Variants in GFAP observed in about 807,000 individuals in gnomAD.
The protein encoded by GFAP is intermediate filament protein.
A neutral mutation model predicts 49.3 loss-of-function variants in GFAP; 38 were observed. The ratio of observed to expected loss-of-function variants is 0.77; its 90% CI spans 0.60 to 1.01. The LOEUF (loss-of-function observed/expected upper bound fraction) is 1.01, where lower values mean the gene tolerates loss of function less well. GFAP is among the 50% of genes least tolerant of loss of function. GFAP has a pLI of 0.00. For missense variants in GFAP, 463 were observed against 579.1 expected, an observed-to-expected ratio of 0.80 and a Z score of 2.06; for synonymous variants, 222 against 236.4, an observed-to-expected ratio of 0.94 and a Z score of 0.56.
Position 44,911,685 on chromosome 17 carries a change from G to A in GFAP, c.893C>T (p.Ser298Phe), listed in dbSNP as rs760672791. 8.4e-5 allele frequency: 136 copies of A among 1,613,272 alleles called. No individual in the cohort carries two copies. The highest frequency in any genetic ancestry group is 1.2e-4 in the Non-Finnish European group (136 of 1,179,954). The change falls in exon 5 of 9, where the codon TCT (serine) becomes TTT (phenylalanine). Residue 298 changes from serine to phenylalanine, a missense_variant. Physicochemically the swap from Ser to Phe is radical, Grantham distance 155. This residue lies in a region of GFAP where 362 missense variants were observed against 445.5 expected (regional missense o/e 0.81). Coordinates refer to ENST00000588735, the MANE Select transcript of GFAP (RefSeq NM_002055.5). ...QLQSLTCDLE[S>F]LRGTNESLER... ...GGCCGCGCTCACCGTGCCGCGCAGA[G>A]ACTCCAGGTCGCAGGTCAAGGACTG...
chr17:44,905,009 A>G lies in GFAP; in HGVS notation c.*2338T>C. The G allele has an allele frequency of 6.4e-7, 1 of 1,550,662 alleles. No homozygotes were observed. Among genetic ancestry groups the G allele is most frequent in the Non-Finnish European group, 8.7e-7 (1 of 1,146,878 alleles). Reference sequence around the variant, plus strand: ...CCTGCTCATCACAGCAGTCTTTGTCACCATTCACTTCTGTCGTTGCTGCTG... The same window carrying G: ...CCTGCTCATCACAGCAGTCTTTGTCGCCATTCACTTCTGTCGTTGCTGCTG... On this transcript the variant is annotated 3_prime_UTR_variant, in exon 9 of 9. Coordinates refer to ENST00000588735, the MANE Select transcript of GFAP (RefSeq NM_002055.5).
chr17:44,910,049 G>C, intron 7 of GFAP: 1 of 1,605,832 alleles, frequency 6.2e-7, no homozygotes, highest in Non-Finnish European at 8.5e-7. Context: ...CCTGGGAAGA[G>C]GGAACTCAGG....
intron 7 of GFAP, chr17:44,909,845 GT>G (rs1341046819): frequency 7.2e-6 from 9 of 1,245,204 alleles, no homozygotes; most frequent in Non-Finnish European, 9.1e-6. Context: ...GGCCCTCCCA[GT>G]GACAGGAAGA....
chr17:44,903,184 T>C lies in GFAP; in HGVS notation c.*4163A>G. On this transcript the variant is annotated 3_prime_UTR_variant, in exon 9 of 9. Transcript: ENST00000588735. ...TAAAAGGGAAAAAGCAAAATCTTTA[T>C]GGTAAACAAACACTGATCTCCACAG... 3 of 1,270,604 alleles carry C rather than the reference T, an allele frequency of 2.4e-6. No individual in the cohort carries two copies. The highest frequency in any genetic ancestry group is 3.0e-6 in the Non-Finnish European group (3 of 1,010,782). 78.7% of individuals were successfully genotyped at this position (1,270,604 alleles called of 1,614,324 possible).
chr17:44,913,801 G>A lies in GFAP; in HGVS notation c.545C>T (p.Ala182Val), dbSNP rs1347500036. Residue 182 changes from alanine (A) to valine (V), a missense_variant, in exon 3 of 9, where the codon GCC becomes GTC. Physicochemically the swap from Ala to Val is moderately conservative, Grantham distance 64. This residue lies in a region of GFAP where 362 missense variants were observed against 445.5 expected (regional missense o/e 0.81). Transcript: ENST00000588735. Reference protein sequence around the residue: ...YRQEADEATLARLDLERKIES... With the variant: ...YRQEADEATLVRLDLERKIES... Reference sequence around the variant, plus strand: ...AATCTTCCTCTCCAGATCCAGACGGGCCAGGGTGGCTTCATCTGCTTCCTG... The same window carrying A: ...AATCTTCCTCTCCAGATCCAGACGGACCAGGGTGGCTTCATCTGCTTCCTG... The A allele has an allele frequency of 5.0e-6, 8 of 1,614,124 alleles. No individual in the cohort carries two copies. Among genetic ancestry groups the A allele is most frequent in the Non-Finnish European group, 5.1e-6 (6 of 1,179,972 alleles).
rs2051743657 is a variant in GFAP at position 44,910,721 on chromosome 17, G to C, written c.1128-63C>G. On this transcript the variant is annotated intron_variant, in intron 6 of 8. Coordinates refer to ENST00000588735, the MANE Select transcript of GFAP (RefSeq NM_002055.5). The stretch of plus-strand genomic sequence containing the variant: ...CTGGGACACCCCTAGGCTGGGTCTT[G>C]GTGCGGGGCCATCATGACAACTTGA... 5 of 1,556,956 alleles carry C rather than the reference G, an allele frequency of 3.2e-6. No homozygotes were observed. The South Asian group carries it at 3.6e-5, about 11-fold the overall frequency.
In GFAP at chr17:44,913,762, T is replaced by A. The variant is rs772653114; in HGVS notation, c.584A>T (p.Glu195Val). ...DLERKIESLE[E>V]EIRFLRKIHE... ...GATCTTCCTCAAGAACCGGATCTCC[T>A]CCTCCAGCGACTCAATCTTCCTCTC... Residue 195 changes from glutamate to valine, a missense_variant, in exon 3 of 9, where the codon GAG becomes GTG. This residue lies in a region of GFAP where 362 missense variants were observed against 445.5 expected (regional missense o/e 0.81). Coordinates refer to ENST00000588735, the MANE Select transcript of GFAP (RefSeq NM_002055.5). 8 of 1,614,120 alleles carry A rather than the reference T, an allele frequency of 5.0e-6. No individual in the cohort carries two copies. In the East Asian group the frequency reaches 1.8e-4, roughly 36 times the overall value.
At chr17:44,908,213 C>T (rs1274376307) in intron 7 of GFAP, 64 bp from the exon 8 acceptor site, 1 of 1,122,648 alleles carries the variant, frequency 8.9e-7, no homozygotes, top group Non-Finnish European at 1.4e-6. Context: ...CTCTCCCATG[C>T]CCGGCTTCCC....
At chr17:44,907,545 G>T (rs187041289) in intron 8 of GFAP, 157 bp from the exon 9 acceptor site, 3 of 700,070 alleles carry the variant, frequency 4.3e-6, no homozygotes, top group East Asian at 2.7e-5. Context: ...GTGGACAGAG[G>T]GGGTGGTGAG....
In GFAP at chr17:44,907,252, G is replaced by T; in HGVS notation, c.*95C>A. 8.4e-7 allele frequency: 1 copy of T among 1,193,798 alleles called. No individual in the cohort carries two copies. Among genetic ancestry groups the T allele is most frequent in the Non-Finnish European group, 1.3e-6 (1 of 799,336 alleles). The allele number at this position is 1,193,798 out of a possible 1,614,324, so 74.0% of individuals were successfully genotyped here. On this transcript the variant is annotated 3_prime_UTR_variant, in exon 9 of 9. Transcript: ENST00000588735. Reference sequence around the variant, plus strand: ...GCAGCTGGGGTGGTGGGGAGCTCAGGTCTGGGGAAATGTGCCAGCAGAGGC... The same window carrying T: ...GCAGCTGGGGTGGTGGGGAGCTCAGTTCTGGGGAAATGTGCCAGCAGAGGC...
rs1003430731 is a variant in GFAP, at chr17:44,904,606, T to C, written c.*2741A>G. 82 of 1,550,476 alleles carry C rather than the reference T, an allele frequency of 5.3e-5. No individual in the cohort carries two copies. Among genetic ancestry groups the C allele is most frequent in the Non-Finnish European group, 6.8e-5 (78 of 1,147,002 alleles). ...AGGGCGTGCTGGCCATCATTAACTATGTGTCCAAAGTGGGCAGCCGGCCCT... is the reference window on the plus strand; with the variant it reads ...AGGGCGTGCTGGCCATCATTAACTACGTGTCCAAAGTGGGCAGCCGGCCCT... On this transcript the variant is annotated 3_prime_UTR_variant, in exon 9 of 9. Coordinates refer to ENST00000588735, the MANE Select transcript of GFAP (RefSeq NM_002055.5).
Position 44,911,238 on chromosome 17 carries a change from GTT to G in GFAP, c.1123_1124del (p.Asn375ProfsTer47). ...TYRKLLEGEE[N>X]RITIPVQTFS... The stretch of plus-strand genomic sequence containing the variant: ...CAGGGGCTGTGATGAGGGCTCACCG[GTT>G]CTCCTCGCCCTCTAGCAGCTTCCTG... On this transcript the variant is annotated frameshift_variant, in exon 6 of 9. Coordinates refer to ENST00000588735, the MANE Select transcript of GFAP (RefSeq NM_002055.5). LOFTEE classifies it high-confidence loss of function. The G allele has an allele frequency of 6.2e-7, 1 of 1,613,410 alleles. No homozygotes were observed. The highest frequency in any genetic ancestry group is 8.5e-7 in the Non-Finnish European group (1 of 1,179,542).
Position 44,904,877 on chromosome 17 carries a change from G to A in GFAP, c.*2470C>T. ...CATCTACTATTGCTGGAGGCAGGGT[G>A]TGCTAGTTGCTGGCTTCCGGCTGGG... On this transcript the variant is annotated 3_prime_UTR_variant, in exon 9 of 9. Transcript: ENST00000588735. The A allele has an allele frequency of 1.3e-6, 2 of 1,550,666 alleles. No individual in the cohort carries two copies. The highest frequency in any genetic ancestry group is 1.7e-6 in the Non-Finnish European group (2 of 1,146,968).
Position 44,903,690 on chromosome 17 carries a change from T to G in GFAP, c.*3657A>C. The G allele has an allele frequency of 7.0e-7, 1 of 1,438,008 alleles. No homozygotes were observed. The highest frequency in any genetic ancestry group is 9.1e-7 in the Non-Finnish European group (1 of 1,101,748). The allele number at this position is 1,438,008 out of a possible 1,614,324, so 89.1% of individuals were successfully genotyped here. Reference sequence around the variant, plus strand: ...TTGCCTTGCACTTGGCGGCTTCCTCTGCAGATTGTTGCTGCTTTTCCTGGC... The same window carrying G: ...TTGCCTTGCACTTGGCGGCTTCCTCGGCAGATTGTTGCTGCTTTTCCTGGC... On this transcript the variant is annotated 3_prime_UTR_variant, in exon 9 of 9. Transcript: ENST00000588735.
At position 44,907,154 on chromosome 17, in the gene GFAP, G is replaced by A; in HGVS notation, c.*193C>T. On this transcript the variant is annotated 3_prime_UTR_variant, in exon 9 of 9. Coordinates refer to ENST00000588735, the MANE Select transcript of GFAP (RefSeq NM_002055.5). ...GTTGGAGTTGCTGGGTGCTGGGTGGGTGCCGTCTGGCAGGCCTGATACTGA... is the reference window on the plus strand; with the variant it reads ...GTTGGAGTTGCTGGGTGCTGGGTGGATGCCGTCTGGCAGGCCTGATACTGA... 1.6e-6 allele frequency: 1 copy of A among 638,850 alleles called. No individual in the cohort carries two copies. The highest frequency in any genetic ancestry group is 2.3e-5 in the Admixed American group (1 of 43,712). The allele number at this position is 638,850 out of a possible 1,614,324, so 39.6% of individuals were successfully genotyped here. A position where few individuals can be genotyped will look rare whatever the true frequency, so the allele number is the denominator to read the frequency against.
At chr17:44,907,928 C>T (rs1385610891) in intron 8 of GFAP, 136 bp downstream of exon 8, 1 of 778,496 alleles carries the variant, frequency 1.3e-6, no homozygotes, top group Non-Finnish European at 2.4e-6. Context: ...TCCTTGCTCT[C>T]CTCCAGAATT....
At chr17:44,907,532 G>A (rs898679285) in intron 8 of GFAP, 144 bp from the exon 9 acceptor site, 62 of 714,056 alleles carry the variant, frequency 8.7e-5, no homozygotes, top group Admixed American at 6.2e-4. Context: ...GCTGCCTTGC[G>A]TGGTGGACAG....
Position 44,915,474 on chromosome 17 carries a change from G to T in GFAP, c.13C>A (p.Arg5Ser). The T allele has an allele frequency of 6.3e-7, 1 of 1,583,518 alleles. No homozygotes were observed. Residue 5 changes from arginine to serine, a missense_variant, in exon 1 of 9, where the codon CGC becomes AGC. Arg to Ser is a moderately radical substitution (Grantham distance 110). Coordinates refer to ENST00000588735, the MANE Select transcript of GFAP (RefSeq NM_002055.5). The surrounding 1 kb of genome is among the most constrained non-coding windows in gnomAD (Gnocchi z 4.1). The stretch of plus-strand genomic sequence containing the variant: ...GAGCGGCGAGCAGCGGAGGTGATGC[G>T]TCTCCTCTCCATCCTGCTCTGGCTC... MERRRITSAARRSYV... is the reference protein window; with the variant it reads MERRSITSAARRSYV...
intron 6 of GFAP, chr17:44,910,984 CCT>C: frequency 3.3e-6 from 2 of 606,930 alleles, no homozygotes; most frequent in Middle Eastern, 8.8e-4. Context: ...GGGGAGTATG[CCT>C]CTTAGTTTGG....
Sources: allele counts gnomAD v4.1 joint callset, GRCh38; gene constraint gnomAD v4.1.1; regional missense constraint gnomAD v4.1.1; non-coding constraint Gnocchi (gnomAD v3.1); transcripts MANE v1.5; gene names NCBI Gene and HGNC (gene_info 2026-07-23, HGNC 2026-07-21).